The following PTPRM variants were observed in gnomAD, a reference collection of about 807,000 sequenced individuals.
The protein encoded by PTPRM is protein tyrosine phosphatase receptor type M.
A neutral mutation model predicts 186.7 loss-of-function variants in PTPRM; 47 were observed. That is an observed-to-expected ratio of 0.25 (90% CI 0.20 to 0.32). The LOEUF (loss-of-function observed/expected upper bound fraction) is 0.32. PTPRM is among the 10% of genes least tolerant of loss of function. The pLI, the probability that PTPRM is intolerant of heterozygous loss-of-function variation, is 1.00. For missense variants in PTPRM, 1,494 were observed against 1,865.0 expected (o/e 0.80, Z 3.66); for synonymous variants, 668 against 674.9 (o/e 0.99, Z 0.16).
Position 8,069,868 on chromosome 18 carries a change from A to G in PTPRM, c.1315A>G (p.Asn439Asp). The change falls in exon 8 of 33, where the codon AAC becomes GAC. Residue 439 changes from asparagine to aspartate, a missense_variant. Asn to Asp is a conservative substitution (Grantham distance 23). This residue lies in a region of PTPRM where 1,107 missense variants were observed against 1,350.2 expected (regional missense o/e 0.82). Transcript: ENST00000580170. ...AGAAGAAGTAAGCTGGGATACAGAA[A>G]ACTCACACCCTCAACACACGATCAC... ...VREEVSWDTE[N>D]SHPQHTITNL... 6.2e-7 allele frequency: 1 copy of G among 1,613,918 alleles called. No homozygotes were observed. Among genetic ancestry groups the G allele is most frequent in the Non-Finnish European group, 8.5e-7 (1 of 1,179,894 alleles).
At chr18:7,934,044 G>A (rs958693000) in intron 5 of PTPRM, among the ~76,000 whole-genome samples, 7 of 152,002 alleles carry the variant, frequency 4.6e-5, no homozygotes, top group African/African-American at 9.7e-5. Flanking sequence ...CTTTCTTGCC[G>A]TGGCATCCAC....
At chr18:7,912,043 G>A (rs943646979) in intron 4 of PTPRM, among the ~76,000 whole-genome samples, 2 of 151,670 alleles carry the variant, frequency 1.3e-5, no homozygotes, top group African/African-American at 2.4e-5. Context: ...GTAGAGACGC[G>A]GTTTCACCAA....
At chr18:7,921,770 A>G (rs1179070434) in intron 4 of PTPRM, among the ~76,000 whole-genome samples, 1 of 152,106 alleles carries the variant, frequency 6.6e-6, no homozygotes, top group Non-Finnish European at 1.5e-5. Context: ...AAGTTTCTGA[A>G]TTGCTTTTCT....
At chr18:7,983,329 A>G (rs2082660144) in intron 7 of PTPRM, among the ~76,000 whole-genome samples, 1 of 152,100 alleles carries the variant, frequency 6.6e-6, no homozygotes, top group Non-Finnish European at 1.5e-5. Flanking sequence ...GAGGGGGAAC[A>G]GTTTCATCCC....
intron 1 of PTPRM, among the ~76,000 whole-genome samples, chr18:7,716,803 G>T (rs2040343053): frequency 6.6e-6 from 1 of 152,142 alleles, no homozygotes; most frequent in South Asian, 2.1e-4. Flanking sequence ...AGTTAGAATG[G>T]CAATCATTAA....
chr18:7,930,464 T>C (rs1441097149), intron 5 of PTPRM, among the ~76,000 whole-genome samples: 1 of 152,186 alleles, frequency 6.6e-6, no homozygotes, highest in African/African-American at 2.4e-5. Flanking sequence ...CATGGTAGTT[T>C]ATCTGTTTTG....
chr18:7,836,702 G>T (rs1490501381), intron 2 of PTPRM, among the ~76,000 whole-genome samples: 1 of 152,016 alleles, frequency 6.6e-6, no homozygotes, highest in East Asian at 1.9e-4. Flanking sequence ...CTCAATTTTT[G>T]TTTGTCTATG....
At chr18:8,333,571 A>C (rs946901609) in intron 22 of PTPRM, among the ~76,000 whole-genome samples, 4 of 152,266 alleles carry the variant, frequency 2.6e-5, no homozygotes, top group Non-Finnish European at 4.4e-5. Flanking sequence ...AATGTTGAGT[A>C]ACTGACTTCG....
chr18:7,652,556 T>C (rs1486812433), intron 1 of PTPRM, among the ~76,000 whole-genome samples: 3 of 151,814 alleles, frequency 2.0e-5, no homozygotes, highest in African/African-American at 7.3e-5. Context: ...ATATACACCA[T>C]GGAATACTAT....
intron 7 of PTPRM, among the ~76,000 whole-genome samples, chr18:8,034,278 C>CAT (rs1209235297): frequency 2.0e-5 from 3 of 152,002 alleles, no homozygotes; most frequent in Non-Finnish European, 4.4e-5. Flanking sequence ...ATACGTTCAC[C>CAT]CTATCCCAAC....
chr18:8,238,661 T>TTTTG (rs2094378239), intron 14 of PTPRM, among the ~76,000 whole-genome samples: 1 of 136,668 alleles, frequency 7.3e-6, no homozygotes, highest in Non-Finnish European at 1.6e-5. Context: ...GTTTTTTTTT[T>TTTTG]TTTTTTTTTT....
chr18:7,625,777 C>T (rs981095796), intron 1 of PTPRM, among the ~76,000 whole-genome samples: 4 of 152,284 alleles, frequency 2.6e-5, no homozygotes, highest in South Asian at 4.1e-4. Flanking sequence ...TCAGGTGATC[C>T]GCCCGCCTCG....
At chr18:8,370,172 T>G (rs1455591092) in intron 23 of PTPRM, among the ~76,000 whole-genome samples, 1 of 119,410 alleles carries the variant, frequency 8.4e-6, no homozygotes, top group Admixed American at 1.0e-4. Flanking sequence ...CGTTGATGTC[T>G]AGAAAAACAT....
chr18:8,373,930 A>G (rs1012686197), intron 24 of PTPRM, among the ~76,000 whole-genome samples: 1 of 152,278 alleles, frequency 6.6e-6, no homozygotes. Context: ...TTTTGTATAT[A>G]ACATTAATGC....
chr18:7,697,599 A>G (rs919924650), intron 1 of PTPRM, among the ~76,000 whole-genome samples: 2 of 152,198 alleles, frequency 1.3e-5, no homozygotes, highest in Non-Finnish European at 2.9e-5. Context: ...AGACATCTCA[A>G]TGGTTGAATA....
intron 1 of PTPRM, among the ~76,000 whole-genome samples, chr18:7,727,386 T>C (rs2040571445): frequency 6.6e-6 from 1 of 152,226 alleles, no homozygotes; most frequent in Non-Finnish European, 1.5e-5. Flanking sequence ...TATTTCTTCA[T>C]TGAATTATTT....
At chr18:8,212,688 T>G (rs946706035) in intron 14 of PTPRM, among the ~76,000 whole-genome samples, 2 of 152,068 alleles carry the variant, frequency 1.3e-5, no homozygotes, top group African/African-American at 4.8e-5. Flanking sequence ...ATGCCTGTAG[T>G]CCCAGCTACT....
intron 14 of PTPRM, among the ~76,000 whole-genome samples, chr18:8,219,475 A>G (rs1406778651): frequency 6.6e-6 from 1 of 152,162 alleles, no homozygotes; most frequent in African/African-American, 2.4e-5. Context: ...TCAAAAAAAA[A>G]AAAACTTATT....
intron 31 of PTPRM, among the ~76,000 whole-genome samples, 155 bp downstream of exon 31, chr18:8,387,390 G>T (rs889816429): frequency 4.6e-5 from 7 of 151,992 alleles, no homozygotes; most frequent in Non-Finnish European, 8.8e-5. Flanking sequence ...GGATTGGTTG[G>T]CTTTTCAGGA....
Sources: gnomAD v4.1 joint callset for allele counts (sites outside exome capture counted in the v4.1 genomes callset) on GRCh38, gnomAD v4.1.1 for gene constraint, gnomAD v4.1.1 regional missense constraint, MANE v1.5 for transcripts, NCBI Gene and HGNC (gene_info 2026-07-23, HGNC 2026-07-21) for gene names.